Variants in FNDC3B observed in about 807,000 individuals in gnomAD.
FNDC3B encodes fibronectin type III domain containing 3B.
In FNDC3B, 12 loss-of-function variants were observed where a neutral mutation model predicts 151.5. That is an observed-to-expected ratio of 0.08 (90% CI 0.05 to 0.13). The LOEUF (loss-of-function observed/expected upper bound fraction) is 0.13, where lower values mean the gene tolerates loss of function less well. Ranked by LOEUF, FNDC3B falls within the 10% of genes least tolerant of loss-of-function variation. The pLI, the probability that FNDC3B is intolerant of heterozygous loss-of-function variation, is 1.00. For missense variants in FNDC3B, 1,214 were observed against 1,505.3 expected (o/e 0.81, Z 3.20); for synonymous variants, 528 against 549.0 (o/e 0.96, Z 0.54).
At chr3:172,382,467 T>A (rs925972023) in intron 25 of FNDC3B, among the ~76,000 whole-genome samples, 7 of 152,208 alleles carry the variant, frequency 4.6e-5, no homozygotes, top group Non-Finnish European at 7.3e-5. Context: ...AGCTCTTTAG[T>A]TTAATTAGAT....
At chr3:172,241,313 A>G (rs1453175729) in intron 4 of FNDC3B, among the ~76,000 whole-genome samples, 3 of 151,896 alleles carry the variant, frequency 2.0e-5, no homozygotes, top group Admixed American at 1.3e-4. Context: ...TTTTCTTACA[A>G]TTCTAGAGGT....
At chr3:172,093,475 G>A (rs973459006) in intron 1 of FNDC3B, among the ~76,000 whole-genome samples, 1 of 151,594 alleles carries the variant, frequency 6.6e-6, no homozygotes, top group Admixed American at 6.6e-5. Flanking sequence ...AGCCAGGATG[G>A]TCTCGATCTC....
chr3:172,079,648 A>T (rs906659637), intron 1 of FNDC3B, among the ~76,000 whole-genome samples: 4 of 152,210 alleles, frequency 2.6e-5, no homozygotes, highest in African/African-American at 9.6e-5. Flanking sequence ...ATCCTTTAAG[A>T]TGACAAAATT....
intron 1 of FNDC3B, among the ~76,000 whole-genome samples, chr3:172,081,849 T>C (rs1718295608): frequency 6.6e-6 from 1 of 152,230 alleles, no homozygotes; most frequent in Non-Finnish European, 1.5e-5. Context: ...AAGTGAAAGG[T>C]AGTTAATGCT....
At chr3:172,385,058 A>G (rs1313287563) in intron 25 of FNDC3B, among the ~76,000 whole-genome samples, 1 of 151,822 alleles carries the variant, frequency 6.6e-6, no homozygotes, top group South Asian at 2.1e-4. Context: ...GTCAGGGACA[A>G]TTTGTACTGG....
intron 1 of FNDC3B, among the ~76,000 whole-genome samples, chr3:172,073,376 A>G (rs1327069118): frequency 6.6e-6 from 1 of 152,194 alleles, no homozygotes; most frequent in Non-Finnish European, 1.5e-5. Flanking sequence ...TGGCTGTGAA[A>G]GTGGATTGGG....
chr3:172,165,834 A>G (rs1248044096), intron 3 of FNDC3B, among the ~76,000 whole-genome samples: 1 of 152,204 alleles, frequency 6.6e-6, no homozygotes, highest in Non-Finnish European at 1.5e-5. Flanking sequence ...CACTCTCTTG[A>G]ATTTTCCTAT....
At chr3:172,217,354 T>C (rs1272008618) in intron 3 of FNDC3B, among the ~76,000 whole-genome samples, 2 of 152,244 alleles carry the variant, frequency 1.3e-5, no homozygotes, top group Non-Finnish European at 2.9e-5. Context: ...TCATGCCTGC[T>C]GTGAATGGAT....
intron 1 of FNDC3B, among the ~76,000 whole-genome samples, chr3:172,064,841 A>G (rs573971208): frequency 6.6e-6 from 1 of 152,352 alleles, no homozygotes; most frequent in Admixed American, 6.5e-5. Flanking sequence ...TACCTGGCGC[A>G]TAGTAGGCTC....
rs182443483 is a variant in FNDC3B, at chr3:172,173,392, A to G, written c.187+39846A>G. Among the ~76,000 whole-genome samples the G allele has an allele frequency of 2.0e-5, 3 of 152,302 alleles. No homozygotes were observed. The East Asian group carries it at 5.8e-4, about 29-fold the overall frequency. On this transcript the variant is annotated intron_variant, in intron 3 of 25. Coordinates refer to ENST00000415807, the MANE Select transcript of FNDC3B (RefSeq NM_022763.4). ...GAGACTTCTCTATGAAGTTACAAGA[A>G]GTAAACAACCATATGGAAGAATTTG...
At chr3:172,159,307 G>T (rs1020523104) in intron 3 of FNDC3B, among the ~76,000 whole-genome samples, 1 of 152,092 alleles carries the variant, frequency 6.6e-6, no homozygotes, top group Admixed American at 6.5e-5. Context: ...GGGTATATTG[G>T]TGTGTGTCTG....
At chr3:172,049,522 A>G (rs549937968) in intron 1 of FNDC3B, among the ~76,000 whole-genome samples, 8 of 152,092 alleles carry the variant, frequency 5.3e-5, no homozygotes, top group South Asian at 2.1e-4. Context: ...ACCTTTAAAC[A>G]TTGTTTTTTG....
intron 17 of FNDC3B, among the ~76,000 whole-genome samples, chr3:172,342,317 G>C (rs568838362): frequency 1.6e-4 from 25 of 152,310 alleles, no homozygotes; most frequent in Non-Finnish European, 2.4e-4. Context: ...ATTATCAGTG[G>C]TCCTTCCTAT....
intron 11 of FNDC3B, among the ~76,000 whole-genome samples, chr3:172,312,178 G>C (rs553981389): frequency 6.6e-6 from 1 of 152,324 alleles, no homozygotes; most frequent in Admixed American, 6.5e-5. Flanking sequence ...ATGTGAAAGA[G>C]AGGTCCGTCA....
Position 172,167,626 on chromosome 3 carries a change from G to A in FNDC3B, c.187+34080G>A, listed in dbSNP as rs538434012. 7.2e-5 allele frequency among the ~76,000 whole-genome samples: 11 copies of A among 152,256 alleles called. No individual in the cohort carries two copies. The East Asian group carries it at 7.7e-4, about 11-fold the overall frequency. ...CAGTACTTTTAAGTTTTCTAAGACC[G>A]GGGTCCCCAAGCCCTGGGCCATGGA... On this transcript the variant is annotated intron_variant, in intron 3 of 25. Transcript: ENST00000415807.
At chr3:172,252,614 G>A (rs1267580779) in intron 6 of FNDC3B, among the ~76,000 whole-genome samples, 1 of 151,946 alleles carries the variant, frequency 6.6e-6, no homozygotes, top group Admixed American at 6.5e-5. Flanking sequence ...AGTGTCTATG[G>A]AAGAGCTTCT....
intron 3 of FNDC3B, among the ~76,000 whole-genome samples, chr3:172,156,036 G>A (rs1440610617): frequency 6.6e-6 from 1 of 152,136 alleles, no homozygotes; most frequent in African/African-American, 2.4e-5. Flanking sequence ...TTTGGTAAAT[G>A]TATTCTTCAA....
At chr3:172,253,539 C>A (rs1052028593) in intron 6 of FNDC3B, among the ~76,000 whole-genome samples, 11 of 152,148 alleles carry the variant, frequency 7.2e-5, no homozygotes, top group African/African-American at 2.7e-4. Context: ...CGGCTGACAT[C>A]TAAATCTGTG....
At chr3:172,300,533 C>CA (rs566437864) in intron 9 of FNDC3B, among the ~76,000 whole-genome samples, 135 of 152,176 alleles carry the variant, frequency 8.9e-4, no homozygotes, top group African/African-American at 3.2e-3. Flanking sequence ...TTTTTACCGA[C>CA]AAAACCTATG....
Sources: allele counts gnomAD v4.1 joint callset (sites outside exome capture counted in the v4.1 genomes callset), GRCh38; gene constraint gnomAD v4.1.1; transcripts MANE v1.5; gene names NCBI Gene and HGNC (gene_info 2026-07-23, HGNC 2026-07-21).